Variants in NHS observed in about 807,000 individuals in gnomAD.
NHS encodes NHS actin remodeling regulator.
NHS carries 5 observed loss-of-function variants against 72.5 expected under a neutral mutation model. The ratio of observed to expected loss-of-function variants is 0.07; its 90% CI spans 0.04 to 0.14. The LOEUF is 0.14. Ranked by LOEUF, NHS falls within the 10% of genes least tolerant of loss-of-function variation. The probability of loss-of-function intolerance (pLI) is 1.00; values close to 1 mark genes in which losing one functional copy is unlikely to be tolerated. For synonymous variants in NHS, 464 were observed against 547.7 expected (o/e 0.85, Z 2.13); for missense variants, 1,072 against 1,355.7 (o/e 0.79, Z 3.29).
At chrX:17,537,732 G>A (rs1295881601) in intron 1 of NHS, among the ~76,000 whole-genome samples, 3 of 111,878 alleles carry the variant, frequency 2.7e-5, no homozygotes, top group African/African-American at 9.8e-5. Flanking sequence ...TAAAAGAGGC[G>A]GGAGTGGGGA....
At chrX:17,654,589 G>A (rs1243350501) in intron 1 of NHS, among the ~76,000 whole-genome samples, 2 of 112,720 alleles carry the variant, frequency 1.8e-5, no homozygotes, top group Non-Finnish European at 3.7e-5. Context: ...TTTCACAATT[G>A]TGAATTCTGG....
In NHS at chrX:17,389,952, G is replaced by GAA. The variant is rs1267625102; in HGVS notation, c.565+13641_565+13642dup. The stretch of plus-strand genomic sequence containing the variant: ...CTAAAATAACATTTTTAAAAAAAAT[G>GAA]AAAAAAAAAAAAGACCTTGATACTC... On this transcript the variant is annotated intron_variant, in intron 1 of 8. Transcript: ENST00000676302. Among the ~76,000 whole-genome samples the GAA allele has an allele frequency of 1.4e-3, 132 of 95,841 alleles. 1 individual carries two copies. The highest frequency in any genetic ancestry group is 4.6e-3 in the African/African-American group (123 of 26,781). The allele number at this position is 95,841 out of a possible 115,157, so 83.2% of individuals were successfully genotyped here.
chrX:17,410,176 C>A (rs754220392), intron 1 of NHS, among the ~76,000 whole-genome samples: 1 of 110,771 alleles, frequency 9.0e-6, no homozygotes, highest in South Asian at 4.0e-4. Flanking sequence ...AATGAAAACC[C>A]CCAAACATGC....
chrX:17,589,339 CA>C (rs2065591287), intron 1 of NHS, among the ~76,000 whole-genome samples: 1 of 110,970 alleles, frequency 9.0e-6, no homozygotes, highest in South Asian at 3.8e-4. Flanking sequence ...CCTGAGTCCC[CA>C]AAATCCATTG....
intron 1 of NHS, among the ~76,000 whole-genome samples, chrX:17,482,314 T>C: frequency 8.9e-6 from 1 of 111,733 alleles, no homozygotes; most frequent in Admixed American, 9.5e-5. Flanking sequence ...CTCAGCAACA[T>C]GACAAAGTAT....
intron 1 of NHS, among the ~76,000 whole-genome samples, chrX:17,653,820 T>C (rs1019805705): frequency 8.9e-6 from 1 of 111,749 alleles, no homozygotes; most frequent in Admixed American, 9.4e-5. Flanking sequence ...CTGTTTGAAG[T>C]TGATCTGAGA....
At chrX:17,498,309 G>A (rs916090838) in intron 1 of NHS, among the ~76,000 whole-genome samples, 1 of 111,703 alleles carries the variant, frequency 9.0e-6, no homozygotes, top group Non-Finnish European at 1.9e-5. Context: ...TGTCCCTGCA[G>A]GGATCTCAAA....
At chrX:17,585,805 G>A (rs996520231) in intron 1 of NHS, 2 of 108,168 alleles carry the variant, frequency 1.8e-5, no homozygotes, top group Non-Finnish European at 3.8e-5. Context: ...CATTCTAGAT[G>A]AGCTGATGGA....
At chrX:17,392,786 G>C (rs1435632524) in intron 1 of NHS, among the ~76,000 whole-genome samples, 1 of 111,794 alleles carries the variant, frequency 8.9e-6, no homozygotes, top group Non-Finnish European at 1.9e-5. Context: ...TTTGCAAACT[G>C]AACACAGATT....
chrX:17,641,581 G>T (rs1467805136), intron 1 of NHS, among the ~76,000 whole-genome samples: 2 of 110,992 alleles, frequency 1.8e-5, no homozygotes, highest in African/African-American at 6.5e-5. Context: ...TCTAGGCTTA[G>T]ATTAGATTCT....
At chrX:17,460,926 T>C (rs940860122) in intron 1 of NHS, among the ~76,000 whole-genome samples, 1 of 112,103 alleles carries the variant, frequency 8.9e-6, no homozygotes, top group Non-Finnish European at 1.9e-5. Flanking sequence ...GAGTCTGACC[T>C]CAGAATCTGT....
chrX:17,494,182 G>A (rs1375010070), intron 1 of NHS, among the ~76,000 whole-genome samples: 1 of 105,396 alleles, frequency 9.5e-6, no homozygotes, highest in Non-Finnish European at 1.9e-5. Flanking sequence ...GGGTTCAAGC[G>A]ATTCTCCAGC....
intron 2 of NHS, 96 bp downstream of exon 2, chrX:17,687,990 T>A: frequency 1.0e-6 from 1 of 967,119 alleles, no homozygotes; most frequent in Non-Finnish European, 1.4e-6. Flanking sequence ...CACACCCCCT[T>A]ATTATAGCAA....
chrX:17,540,861 C>T (rs1306750590), intron 1 of NHS, among the ~76,000 whole-genome samples: 1 of 111,746 alleles, frequency 8.9e-6, no homozygotes, highest in Non-Finnish European at 1.9e-5. Context: ...GGGTGGATCA[C>T]TTGAGCCTAG....
chrX:17,616,715 G>T (rs1387563329), intron 1 of NHS, among the ~76,000 whole-genome samples: 1 of 112,524 alleles, frequency 8.9e-6, no homozygotes, highest in African/African-American at 3.2e-5. Flanking sequence ...AGTTGAAAAA[G>T]TAGATACACA....
intron 1 of NHS, among the ~76,000 whole-genome samples, chrX:17,624,443 G>T (rs767078459): frequency 8.9e-6 from 1 of 112,376 alleles, no homozygotes; most frequent in African/African-American, 3.2e-5. Context: ...TAGCTTCCCA[G>T]GATACCCCAT....
chrX:17,565,200 T>C (rs1180852207), intron 1 of NHS, among the ~76,000 whole-genome samples: 1 of 110,840 alleles, frequency 9.0e-6, no homozygotes, highest in Non-Finnish European at 1.9e-5. Flanking sequence ...AGGAAGCTGG[T>C]GTAGCTCACT....
intron 2 of NHS, 49 bp downstream of exon 2, chrX:17,687,943 T>C (rs764775323): frequency 1.9e-5 from 22 of 1,173,323 alleles, no homozygotes; most frequent in Non-Finnish European, 2.4e-5. Context: ...ACTCGGAGGT[T>C]GTCCCATCCA....
At chrX:17,683,403 C>A (rs1229603055) in intron 1 of NHS, among the ~76,000 whole-genome samples, 1 of 111,599 alleles carries the variant, frequency 9.0e-6, no homozygotes, top group Non-Finnish European at 1.9e-5. Context: ...CATTCTCACT[C>A]CCCTACCCCA....
Sources: gnomAD v4.1 joint callset for allele counts (sites outside exome capture counted in the v4.1 genomes callset) on GRCh38, gnomAD v4.1.1 for gene constraint, MANE v1.5 for transcripts, NCBI Gene and HGNC (gene_info 2026-07-23, HGNC 2026-07-21) for gene names.